Variants in SOX6 observed in about 807,000 individuals in gnomAD.
SOX6 encodes the protein SRY-box transcription factor 6.
Under a neutral mutation model 97.8 loss-of-function variants are expected in SOX6, and 11 were observed. The observed-to-expected ratio is 0.11, with a 90% CI of 0.07 to 0.19. The LOEUF (loss-of-function observed/expected upper bound fraction) is 0.19. Among genes scored for constraint, SOX6 ranks in the 10% least tolerant of loss-of-function variants. The pLI is 1.00. For missense variants in SOX6, 810 were observed against 1,039.5 expected, an observed-to-expected ratio of 0.78 and a Z score of 3.04; for synonymous variants, 360 against 371.4, an observed-to-expected ratio of 0.97 and a Z score of 0.35.
chr11:16,737,726 G>A (rs747272037), intron 1 of SOX6, among the ~76,000 whole-genome samples: 1 of 152,028 alleles, frequency 6.6e-6, no homozygotes, highest in Non-Finnish European at 1.5e-5. Context: ...CTGGAGAGAG[G>A]GCGAGAAATG....
At chr11:16,111,392 C>T (rs1187307071) in intron 7 of SOX6, among the ~76,000 whole-genome samples, 1 of 152,162 alleles carries the variant, frequency 6.6e-6, no homozygotes, top group Admixed American at 6.5e-5. Flanking sequence ...TTTTAACTAT[C>T]TTTCTAAGAG....
At chr11:16,413,776 C>T (rs913849897) in intron 1 of SOX6, among the ~76,000 whole-genome samples, 14 of 151,792 alleles carry the variant, frequency 9.2e-5, no homozygotes, top group Non-Finnish European at 2.9e-5. Context: ...CCACCTCAGC[C>T]TCCAAAGTGA....
At chr11:16,689,387 T>C (rs1590053200) in intron 3 of SOX6, among the ~76,000 whole-genome samples, 1 of 152,218 alleles carries the variant, frequency 6.6e-6, no homozygotes, top group East Asian at 1.9e-4. Context: ...TCTCTCAAGG[T>C]TGTAAGCTGG....
intron 3 of SOX6, among the ~76,000 whole-genome samples, chr11:16,291,232 TATATATATATA>T: frequency 0.017 from 3 of 178 alleles, no homozygotes; most frequent in Admixed American, 0.1. Flanking sequence ...TATAAATTTA[TATATATATATA>T]TATATATATA....
intron 6 of SOX6, among the ~76,000 whole-genome samples, chr11:16,115,461 C>A (rs1236797852): frequency 2.0e-5 from 3 of 152,172 alleles, no homozygotes; most frequent in African/African-American, 7.2e-5. Flanking sequence ...TCTCCCCCTG[C>A]TCCCCGTCAA....
intron 1 of SOX6, among the ~76,000 whole-genome samples, chr11:16,379,398 A>C (rs896643193): frequency 6.6e-6 from 1 of 152,046 alleles, no homozygotes; most frequent in South Asian, 2.1e-4. Flanking sequence ...CCCGGGAGGC[A>C]GAGGTTGTGG....
chr11:16,019,569 T>A (rs1854993107), intron 12 of SOX6, among the ~76,000 whole-genome samples: 1 of 152,308 alleles, frequency 6.6e-6, no homozygotes, highest in South Asian at 2.1e-4. Context: ...ATGAACTAAT[T>A]GCCAAATACT....
rs562573905 is a variant in SOX6, at chr11:16,460,213, C to T, written c.-5+16102G>A. On this transcript the variant is annotated intron_variant, in intron 1 of 15. Transcript: ENST00000396356. ...AAAAAGCCCATCTGAAATTACTATACTTAGTGGAATAAAATTTTTTCAGAA... is the reference window on the plus strand; with the variant it reads ...AAAAAGCCCATCTGAAATTACTATATTTAGTGGAATAAAATTTTTTCAGAA... 7.3e-4 allele frequency among the ~76,000 whole-genome samples: 111 copies of T among 152,112 alleles called. No individual in the cohort carries two copies. In the South Asian group the frequency reaches 8.9e-3, roughly 12 times the overall value.
intron 4 of SOX6, among the ~76,000 whole-genome samples, chr11:16,574,420 T>G (rs1254799315): frequency 6.6e-6 from 1 of 152,070 alleles, no homozygotes; most frequent in Non-Finnish European, 1.5e-5. Context: ...CTGGGATAGC[T>G]GGACATCCAT....
intron 3 of SOX6, among the ~76,000 whole-genome samples, chr11:16,683,188 C>T (rs563276416): frequency 6.6e-6 from 1 of 152,232 alleles, no homozygotes; most frequent in East Asian, 1.9e-4. Flanking sequence ...CAATGCTATC[C>T]CCATCAAGCT....
At chr11:16,453,743 T>C (rs190140255) in intron 1 of SOX6, among the ~76,000 whole-genome samples, 2 of 152,248 alleles carry the variant, frequency 1.3e-5, no homozygotes, top group East Asian at 1.9e-4. Context: ...GTCTTATTAG[T>C]TGAGTGAAGT....
chr11:15,985,450 G>A (rs1199352570), intron 15 of SOX6, among the ~76,000 whole-genome samples: 1 of 152,084 alleles, frequency 6.6e-6, no homozygotes, highest in Non-Finnish European at 1.5e-5. Context: ...CTCTGGATTT[G>A]CCACCCTGCT....
chr11:15,976,496 T>C (rs1265393040), intron 15 of SOX6, among the ~76,000 whole-genome samples: 1 of 152,144 alleles, frequency 6.6e-6, no homozygotes, highest in Non-Finnish European at 1.5e-5. Flanking sequence ...GAAGCTGGTG[T>C]AAACCTCACA....
At chr11:16,514,797 T>C (rs1590229452) in intron 4 of SOX6, among the ~76,000 whole-genome samples, 1 of 150,610 alleles carries the variant, frequency 6.6e-6, no homozygotes, top group East Asian at 2.0e-4. Context: ...ATATGCGGTG[T>C]TTGGCTTTTT....
At chr11:16,616,737 A>G (rs1382453561) in intron 3 of SOX6, among the ~76,000 whole-genome samples, 23 of 151,914 alleles carry the variant, frequency 1.5e-4, no homozygotes, top group Admixed American at 1.5e-3. Flanking sequence ...ACAAGATGAT[A>G]TTTCATTCTA....
chr11:16,682,605 T>C (rs537165386), intron 3 of SOX6, among the ~76,000 whole-genome samples: 51 of 152,298 alleles, frequency 3.3e-4, no homozygotes, highest in African/African-American at 1.1e-3. Context: ...ATAAGAGCTA[T>C]TTATGACAAA....
At chr11:16,626,926 A>G (rs1023594332) in intron 3 of SOX6, among the ~76,000 whole-genome samples, 2 of 152,202 alleles carry the variant, frequency 1.3e-5, no homozygotes, top group Non-Finnish European at 2.9e-5. Flanking sequence ...CCCATCACCC[A>G]GGCAGTGAAC....
At chr11:16,243,165 A>G (rs12418887) in intron 3 of SOX6, among the ~76,000 whole-genome samples, 23,135 of 151,962 alleles carry the variant, frequency 0.15, 1,933 homozygotes, top group South Asian at 0.19. Context: ...AATAATTAAC[A>G]CTTGCTGAGC....
intron 3 of SOX6, among the ~76,000 whole-genome samples, chr11:16,239,809 C>T (rs1042857411): frequency 1.3e-5 from 2 of 151,994 alleles, no homozygotes; most frequent in African/African-American, 4.8e-5. Context: ...TTGCTCCACA[C>T]TCCCCTCTGG....
Sources: allele counts gnomAD v4.1 joint callset (sites outside exome capture counted in the v4.1 genomes callset), GRCh38; gene constraint gnomAD v4.1.1; transcripts MANE v1.5; gene names NCBI Gene and HGNC (gene_info 2026-07-23, HGNC 2026-07-21).